Variants in TCL1A observed in about 807,000 individuals in gnomAD.
TCL1A encodes the protein TCL1 family AKT coactivator A.
Under a neutral mutation model 16.9 loss-of-function variants are expected in TCL1A, and 9 were observed. The ratio of observed to expected loss-of-function variants is 0.53; its 90% CI spans 0.32 to 0.93. TCL1A has a LOEUF of 0.93. Among genes scored for constraint, TCL1A ranks in the 40% least tolerant of loss-of-function variants. The pLI, the probability that TCL1A is intolerant of heterozygous loss-of-function variation, is 0.04. For missense variants in TCL1A, 139 were observed against 153.0 expected, an observed-to-expected ratio of 0.91 and a Z score of 0.48; for synonymous variants, 69 against 63.2, an observed-to-expected ratio of 1.09 and a Z score of -0.44.
Position 95,714,034 on chromosome 14 carries a change from G to T in TCL1A, c.33C>A (p.Val11=). 1 of 1,614,076 alleles carries T rather than the reference G, an allele frequency of 6.2e-7. No individual in the cohort carries two copies. Among genetic ancestry groups the T allele is most frequent in the Non-Finnish European group, 8.5e-7 (1 of 1,180,026 alleles). MAECPTLGEA[V]TDHPDRLWAW... ...CCCACAGGCGGTCCGGGTGGTCGGT[G>T]ACTGCCTCCCCGAGTGTCGGGCACT... is the stretch of plus-strand genomic sequence containing the variant. Residue 11 remains valine, a synonymous_variant, in exon 1 of 4, where the codon GTC becomes GTA. Transcript: ENST00000402399.
chr14:95,710,688 G>T lies in TCL1A; in HGVS notation c.*200C>A, dbSNP rs1016185206. 2 of 152,444 alleles carry T rather than the reference G, an allele frequency of 1.3e-5. No homozygotes were observed. The highest frequency in any genetic ancestry group is 2.9e-5 in the Non-Finnish European group (2 of 68,236). 9.4% of individuals were successfully genotyped at this position (152,444 alleles called of 1,614,324 possible). A position where few individuals can be genotyped will look rare whatever the true frequency, so the allele number is the denominator to read the frequency against. ...TTGGCAGGAGTGGTAGTGCTAAGGCGAGCAGAGTGGGCTACAGGCAGGTCC... is the reference window on the plus strand; with the variant it reads ...TTGGCAGGAGTGGTAGTGCTAAGGCTAGCAGAGTGGGCTACAGGCAGGTCC... On this transcript the variant is annotated 3_prime_UTR_variant, in exon 4 of 4. Transcript: ENST00000402399.
rs373333484 is a variant in TCL1A, at chr14:95,710,341, TGGGCAGGCAGCGTTTGCAGGCGTGTTTAC to T, written c.*518_*546del. On this transcript the variant is annotated 3_prime_UTR_variant, in exon 4 of 4. Coordinates refer to ENST00000402399, the MANE Select transcript of TCL1A (RefSeq NM_021966.3). ...TCCTTGAGCTGCACGTGAACCTGTG[TGGGCAGGCAGCGTTTGCAGGCGTGTTTAC>T]GGGCAGGCAGCGTTTGCAGGCGTGT... 0.023 allele frequency: 3,512 copies of T among 151,052 alleles called. 90 individuals carry two copies. Among genetic ancestry groups the T allele is most frequent in the East Asian group, 0.13 (677 of 5,192 alleles). 9.4% of individuals were successfully genotyped at this position (151,052 alleles called of 1,614,324 possible).
chr14:95,712,640 T>C (rs1232527698), intron 1 of TCL1A: 1 of 1,465,876 alleles, frequency 6.8e-7, no homozygotes, highest in East Asian at 2.9e-5. Context: ...GACAGGGCCA[T>C]GAAAGGCACA....
At position 95,710,183 on chromosome 14, in the gene TCL1A, T is replaced by C. The variant is rs1029505722; in HGVS notation, c.*705A>G. 6.6e-6 allele frequency: 1 copy of C among 152,282 alleles called. No individual in the cohort carries two copies. Among genetic ancestry groups the C allele is most frequent in the Non-Finnish European group, 1.5e-5 (1 of 68,078 alleles). The allele number at this position is 152,282 out of a possible 1,614,324, so 9.4% of individuals were successfully genotyped here. A position where few individuals can be genotyped will look rare whatever the true frequency, so the allele number is the denominator to read the frequency against. On this transcript the variant is annotated 3_prime_UTR_variant, in exon 4 of 4. Transcript: ENST00000402399. ...ACCCAACCTCTATCCCTTTTCCACG[T>C]GGGCAAGCCAAGGGTTCTGAGGGCT...
At chr14:95,712,499 G>C in intron 1 of TCL1A, 103 bp from the exon 2 acceptor site, 1 of 1,517,026 alleles carries the variant, frequency 6.6e-7, no homozygotes, top group Non-Finnish European at 8.8e-7. Flanking sequence ...CCACCCATCT[G>C]GGCAGGGGTC....
chr14:95,711,756 C>G lies in TCL1A; in HGVS notation c.344G>C (p.Ter115SerextTer15). ...DMLLELLPDD[*>S] ...GGCTCCAGTGGAGCTCACCATACAT[C>G]AGTCATCTGGCAGCAGCTCGAGAAG... The change falls in exon 3 of 4, where the codon TGA (stop) becomes TCA (serine). Residue 115 changes from the stop codon to serine (S), a stop_lost. Coordinates refer to ENST00000402399, the MANE Select transcript of TCL1A (RefSeq NM_021966.3). 1 of 1,613,286 alleles carries G rather than the reference C, an allele frequency of 6.2e-7. No individual in the cohort carries two copies. Among genetic ancestry groups the G allele is most frequent in the Non-Finnish European group, 8.5e-7 (1 of 1,179,932 alleles).
chr14:95,712,789 A>G, intron 1 of TCL1A: 1 of 752,602 alleles, frequency 1.3e-6, no homozygotes, highest in South Asian at 1.5e-5. Context: ...AGGAAAAAAA[A>G]AAAACAACAA....
rs1886328747 is a variant in TCL1A at position 95,710,834 on chromosome 14, T to C, written c.*54A>G. ...GAAACACAACATCCCCATTGTAGGC[T>C]GGCCAGGCTCAGGCCCTGGGGTGAA... On this transcript the variant is annotated 3_prime_UTR_variant, in exon 4 of 4. Coordinates refer to ENST00000402399, the MANE Select transcript of TCL1A (RefSeq NM_021966.3). 6.5e-6 allele frequency: 1 copy of C among 152,938 alleles called. No individual in the cohort carries two copies. 9.5% of individuals were successfully genotyped at this position (152,938 alleles called of 1,614,324 possible).
At chr14:95,712,830 T>A (rs2139721549) in intron 1 of TCL1A, 1 of 518,052 alleles carries the variant, frequency 1.9e-6, no homozygotes, top group Middle Eastern at 3.3e-4. Flanking sequence ...AATACTGGCC[T>A]TTTCAATGAT....
chr14:95,713,820 G>C (rs573041117), intron 1 of TCL1A, 127 bp downstream of exon 1: 5 of 1,422,382 alleles, frequency 3.5e-6, no homozygotes, highest in African/African-American at 1.4e-5. Flanking sequence ...GCTCAAAGTG[G>C]CTTCATCTGT....
rs1417165049 is a variant in TCL1A at position 95,712,387 on chromosome 14, T to C, written c.130A>G (p.Arg44Gly). The change falls in exon 2 of 4, where the codon AGG becomes GGG. Residue 44 changes from arginine (R) to glycine (G), a missense_variant. Physicochemically the swap from Arg to Gly is moderately radical, Grantham distance 125 (BLOSUM62 -2). Around this residue, in one of 2 missense-constraint regions of TCL1A, gnomAD observed 94 missense variants for 80.2 expected, o/e 1.17. Transcript: ENST00000402399. ...CGCAAGAGCACCCGTAACTGTAACC[T>C]ATCCTTTATCTGAGGAGAAGAAAAG... is the stretch of plus-strand genomic sequence containing the variant. ...WLPLTIEIKD[R>G]LQLRVLLRRE... 6.2e-7 allele frequency: 1 copy of C among 1,602,874 alleles called. No homozygotes were observed. Among genetic ancestry groups the C allele is most frequent in the South Asian group, 1.1e-5 (1 of 90,310 alleles).
chr14:95,714,099 A>C lies in TCL1A; in HGVS notation c.-33T>G, dbSNP rs777191687. The C allele has an allele frequency of 8.7e-6, 14 of 1,610,972 alleles. No individual in the cohort carries two copies. The highest frequency in any genetic ancestry group is 1.1e-5 in the Non-Finnish European group (13 of 1,179,666). Reference sequence around the variant, plus strand: ...TCGGGCCGCCTAAGAAGCAAGAGCCAGAGCCTCTCAAGGCCGCTCGCTGGT... The same window carrying C: ...TCGGGCCGCCTAAGAAGCAAGAGCCCGAGCCTCTCAAGGCCGCTCGCTGGT... On this transcript the variant is annotated 5_prime_UTR_variant, in exon 1 of 4. Coordinates refer to ENST00000402399, the MANE Select transcript of TCL1A (RefSeq NM_021966.3).
At chr14:95,713,691 A>G (rs1375857743) in intron 1 of TCL1A, among the ~76,000 whole-genome samples, 2 of 152,330 alleles carry the variant, frequency 1.3e-5, no homozygotes, top group Non-Finnish European at 2.9e-5. Flanking sequence ...TGCCTGCTGT[A>G]GTCAACATTA....
In TCL1A at chr14:95,710,409, G is replaced by C. The variant is rs1886315348; in HGVS notation, c.*479C>G. 6.5e-6 allele frequency: 1 copy of C among 153,812 alleles called. No individual in the cohort carries two copies. The highest frequency in any genetic ancestry group is 2.4e-5 in the African/African-American group (1 of 41,310). 9.5% of individuals were successfully genotyped at this position (153,812 alleles called of 1,614,324 possible). On this transcript the variant is annotated 3_prime_UTR_variant, in exon 4 of 4. Transcript: ENST00000402399. The stretch of plus-strand genomic sequence containing the variant: ...TTGCAGGCGTGTTTACCGGCAGGCA[G>C]CGTTTGCAGGCGTGTTTACATGCAG...
chr14:95,713,439 C>A (rs184225200), intron 1 of TCL1A, among the ~76,000 whole-genome samples: 66 of 152,222 alleles, frequency 4.3e-4, no homozygotes, highest in African/African-American at 1.4e-3. Context: ...GATTCAATAC[C>A]GGCGCTTATA....
At chr14:95,711,578 C>G (rs980196369) in intron 3 of TCL1A, 171 bp downstream of exon 3, 1 of 657,626 alleles carries the variant, frequency 1.5e-6, no homozygotes, top group Admixed American at 2.9e-5. Context: ...CCTTGGCTCC[C>G]GAAGTGGTAA....
chr14:95,712,358 C>G lies in TCL1A; in HGVS notation c.159G>C (p.Arg53=), dbSNP rs1566746935. The stretch of plus-strand genomic sequence containing the variant: ...TAGGCCTCCCCAGGACGACGTCTTC[C>G]CGACGCAAGAGCACCCGTAACTGTA... ...DRLQLRVLLR[R]EDVVLGRPMT... is the part of the protein sequence containing the mutation. Residue 53 remains arginine, a synonymous_variant, in exon 2 of 4, where the codon CGG becomes CGC. Transcript: ENST00000402399. 3.7e-6 allele frequency: 6 copies of G among 1,613,552 alleles called. No individual in the cohort carries two copies. The highest frequency in any genetic ancestry group is 5.1e-6 in the Non-Finnish European group (6 of 1,179,608).
intron 1 of TCL1A, among the ~76,000 whole-genome samples, chr14:95,713,649 T>C (rs1886453319): frequency 2.0e-5 from 3 of 152,294 alleles, no homozygotes; most frequent in South Asian, 2.1e-4. Flanking sequence ...AGATACCCAT[T>C]TTTAAGGATT....
chr14:95,712,709 A>G (rs1220026273), intron 1 of TCL1A: 1 of 1,340,362 alleles, frequency 7.5e-7, no homozygotes. Flanking sequence ...TGGAAGGCAG[A>G]GGCAGGAGGA....
Sources: gnomAD v4.1 joint callset for allele counts (sites outside exome capture counted in the v4.1 genomes callset) on GRCh38, gnomAD v4.1.1 for gene constraint, gnomAD v4.1.1 regional missense constraint, MANE v1.5 for transcripts, NCBI Gene and HGNC (gene_info 2026-07-23, HGNC 2026-07-21) for gene names.